The following KCTD1 variants were observed in gnomAD, a reference collection of about 807,000 sequenced individuals.
KCTD1 encodes the protein potassium channel tetramerization domain containing 1.
KCTD1 carries 24 observed loss-of-function variants against 66.0 expected under a neutral mutation model. The observed-to-expected ratio is 0.36, with a 90% CI of 0.26 to 0.51. The LOEUF is 0.51. Among genes scored for constraint, KCTD1 ranks in the 20% least tolerant of loss-of-function variants. The probability of loss-of-function intolerance (pLI) is 0.95; values close to 1 mark genes in which losing one functional copy is unlikely to be tolerated. For missense variants in KCTD1, 943 were observed against 1,205.2 expected (o/e 0.78, Z 3.22); for synonymous variants, 511 against 517.2 (o/e 0.99, Z 0.16).
chr18:26,547,051 G>A lies in KCTD1; in HGVS notation c.1486C>T (p.Pro496Ser), dbSNP rs1397346434. ...CGGTGGTGGTGGGAGGGATGGGTGG[G>A]GGGGTGGTGGGAGTGGTGCCGTGCC... is the stretch of plus-strand genomic sequence containing the variant. ...GAARHHSHHPPTHPSHHHRPQ... is the reference protein window; with the variant it reads ...GAARHHSHHPSTHPSHHHRPQ... The change falls in exon 1 of 5, where the codon CCC becomes TCC. Residue 496 changes from proline to serine, a missense_variant. This residue lies in a region of KCTD1 where 197 missense variants were observed against 182.7 expected (regional missense o/e 1.08). Transcript: ENST00000580059. 6 of 1,494,576 alleles carry A rather than the reference G, an allele frequency of 4.0e-6. 1 individual carries two copies. The South Asian group carries it at 6.5e-5, about 16-fold the overall frequency. 92.6% of individuals were successfully genotyped at this position (1,494,576 alleles called of 1,614,324 possible).
chr18:26,486,126 G>A (rs1406282843), intron 2 of KCTD1, among the ~76,000 whole-genome samples: 1 of 152,154 alleles, frequency 6.6e-6, no homozygotes, highest in East Asian at 1.9e-4. Flanking sequence ...TAGCCCCCAT[G>A]TCTCGAACTC....
intron 1 of KCTD1, among the ~76,000 whole-genome samples, chr18:26,584,446 A>T (rs1449741238): frequency 6.6e-6 from 1 of 152,220 alleles, no homozygotes; most frequent in Non-Finnish European, 1.5e-5. Context: ...TTTTTATGTG[A>T]TCACTAGAAA....
intron 1 of KCTD1, among the ~76,000 whole-genome samples, chr18:26,522,392 A>G (rs1983956745): frequency 6.6e-6 from 1 of 152,182 alleles, no homozygotes; most frequent in Non-Finnish European, 1.5e-5. Flanking sequence ...AGCAGCTAGG[A>G]AGAATCATGA....
chr18:26,636,534 C>T (rs1267100868), intron 1 of KCTD1, among the ~76,000 whole-genome samples: 1 of 152,218 alleles, frequency 6.6e-6, no homozygotes, highest in Non-Finnish European at 1.5e-5. Context: ...CCATTTCTCC[C>T]ATTGAGAGTG....
chr18:26,547,157 C>T lies in KCTD1; in HGVS notation c.1380G>A (p.Thr460=), dbSNP rs1434364586. 3 of 1,551,004 alleles carry T rather than the reference C, an allele frequency of 1.9e-6. No individual in the cohort carries two copies. Among genetic ancestry groups the T allele is most frequent in the East Asian group, 4.9e-5 (2 of 40,910 alleles). The change falls in exon 1 of 5, where the codon ACG becomes ACA. Residue 460 remains threonine (T), a synonymous_variant. Transcript: ENST00000580059. ...TGCCAATGCCCGCGATGCTGTTGAG[C>T]GTGGCGATGGAGACGGCGCCGATGC... ...NHCIGAVSIA[T]LNSIAGIGTK...
chr18:26,645,866 T>C (rs1460748485), intron 1 of KCTD1, among the ~76,000 whole-genome samples: 1 of 152,184 alleles, frequency 6.6e-6, no homozygotes, highest in Non-Finnish European at 1.5e-5. Context: ...AATTGAAAAC[T>C]CTGGGAATGG....
At chr18:26,550,943 C>A (rs1985542720), upstream of KCTD1, among the ~76,000 whole-genome samples, 1 of 152,232 alleles carries the variant, frequency 6.6e-6, no homozygotes, top group Non-Finnish European at 1.5e-5. This position sits in a 1 kb window ranked among gnomAD's most constrained non-coding sequence, Gnocchi z 5.4. Flanking sequence ...TCCCCCGCGA[C>A]CCTCGCCATA....
intron 1 of KCTD1, among the ~76,000 whole-genome samples, chr18:26,558,757 A>G (rs897910283): frequency 1.3e-5 from 2 of 152,092 alleles, no homozygotes. Flanking sequence ...CCCCGTCTCT[A>G]CTAAAAATAC....
rs576662511 is a variant in KCTD1, at chr18:26,627,177, G to A, written c.-16+1970C>T. Among the ~76,000 whole-genome samples the A allele has an allele frequency of 9.9e-5, 15 of 151,936 alleles. 1 individual carries two copies. In the East Asian group the frequency reaches 2.9e-3, roughly 29 times the overall value. ...AATTGGAAAGTAGCTCCCATGTACT[G>A]TCTTCTACAGCTTTTGATTTTTTTC... On this transcript the variant is annotated intron_variant, in intron 1 of 4. Transcript: ENST00000317932.
chr18:26,552,185 A>T (rs559186749), upstream of KCTD1, among the ~76,000 whole-genome samples: 17 of 151,624 alleles, frequency 1.1e-4, no homozygotes, highest in Non-Finnish European at 2.1e-4. Context: ...GGCATGAAAA[A>T]CTCCAAATGT....
rs776923644 is a variant in KCTD1 at position 26,570,191 on chromosome 18, A to AAATATATATATAT, written c.-16+58955_-16+58956insATATATATATATT. Reference sequence around the variant, plus strand: ...ACAGAGCAAGACTCCATCTAAAAAAAATATATATATATATATATATATATG... The same window carrying AAATATATATATAT: ...ACAGAGCAAGACTCCATCTAAAAAAAAATATATATATATATATATATATATATATATATATATG... On this transcript the variant is annotated intron_variant, in intron 1 of 4. Transcript: ENST00000317932. Among the ~76,000 whole-genome samples the AAATATATATATAT allele has an allele frequency of 5.6e-3, 741 of 132,458 alleles. 3 individuals are homozygous for AAATATATATATAT. Among genetic ancestry groups the AAATATATATATAT allele is most frequent in the South Asian group, 0.018 (72 of 3,954 alleles). The allele number at this position is 132,458 out of a possible 152,430, so 86.9% of individuals were successfully genotyped here. A position where few individuals can be genotyped will look rare whatever the true frequency, so the allele number is the denominator to read the frequency against.
intron 1 of KCTD1, among the ~76,000 whole-genome samples, chr18:26,582,299 T>C (rs981448145): frequency 6.7e-6 from 1 of 148,230 alleles, no homozygotes; most frequent in East Asian, 2.0e-4. Flanking sequence ...CAGCAAATAA[T>C]AACAGGCAAT....
intron 1 of KCTD1, among the ~76,000 whole-genome samples, chr18:26,509,793 A>G (rs778421129): frequency 6.6e-6 from 1 of 152,244 alleles, no homozygotes; most frequent in Non-Finnish European, 1.5e-5. Context: ...AGGGTACAGG[A>G]GAAAAAGCCC....
At chr18:26,630,436 C>T (rs1987594538), upstream of KCTD1, among the ~76,000 whole-genome samples, 1 of 152,178 alleles carries the variant, frequency 6.6e-6, no homozygotes, top group East Asian at 1.9e-4. Context: ...CTACCACAGG[C>T]TTCTGAGTAG....
In KCTD1 at chr18:26,536,270, T is replaced by C. The variant is rs1984705419; in HGVS notation, c.1809+10458A>G. On this transcript the variant is annotated intron_variant, in intron 1 of 4. Transcript: ENST00000580059. ...CCAGTTCTGGATTTTGTGGGATTATTGTACATATGCTCAATCTTAAAATAT... is the reference window on the plus strand; with the variant it reads ...CCAGTTCTGGATTTTGTGGGATTATCGTACATATGCTCAATCTTAAAATAT... Among the ~76,000 whole-genome samples the C allele has an allele frequency of 2.0e-5, 3 of 152,184 alleles. No individual in the cohort carries two copies. The South Asian group carries it at 6.2e-4, about 32-fold the overall frequency.
intron 1 of KCTD1, among the ~76,000 whole-genome samples, chr18:26,649,147 G>A (rs1017810677): frequency 3.9e-5 from 6 of 152,210 alleles, no homozygotes; most frequent in African/African-American, 1.2e-4. Flanking sequence ...GTCTTCAGCA[G>A]CATAGACACT....
At chr18:26,608,234 T>G (rs541634824) in intron 1 of KCTD1, among the ~76,000 whole-genome samples, 27 of 152,244 alleles carry the variant, frequency 1.8e-4, no homozygotes, top group Non-Finnish European at 3.5e-4. Flanking sequence ...ATGTTACTAT[T>G]GTCAGTTTCC....
At chr18:26,615,841 A>G (rs1228506676) in intron 1 of KCTD1, among the ~76,000 whole-genome samples, 1 of 152,048 alleles carries the variant, frequency 6.6e-6, no homozygotes, top group Non-Finnish European at 1.5e-5. Context: ...CCCAGGCTGG[A>G]GTTCAATGGC....
At chr18:26,600,354 C>A in intron 1 of KCTD1, 1 of 1,343,398 alleles carries the variant, frequency 7.4e-7, no homozygotes, top group Non-Finnish European at 1.1e-6. Flanking sequence ...AAGGGCCTGA[C>A]ATGGGACCCA....
Sources: gnomAD v4.1 joint callset for allele counts (sites outside exome capture counted in the v4.1 genomes callset) on GRCh38, gnomAD v4.1.1 for gene constraint, gnomAD v4.1.1 regional missense constraint, Gnocchi (gnomAD v3.1) non-coding constraint, MANE v1.5 for transcripts, NCBI Gene and HGNC (gene_info 2026-07-23, HGNC 2026-07-21) for gene names.